RANBP2: variants seen among roughly 807,000 people sequenced by gnomAD.
The protein encoded by RANBP2 is E3 SUMO-protein ligase RanBP2.
Under a neutral mutation model 303.6 loss-of-function variants are expected in RANBP2, and 57 were observed. That is an observed-to-expected ratio of 0.19 (90% CI 0.15 to 0.23). The LOEUF (loss-of-function observed/expected upper bound fraction) is 0.23. RANBP2 is among the 10% of genes least tolerant of loss of function. RANBP2 has a pLI of 1.00. For missense variants in RANBP2, 3,138 were observed against 3,780.8 expected (o/e 0.83, Z 4.46); for synonymous variants, 1,167 against 1,301.5 (o/e 0.90, Z 2.23).
At chr2:109,101,123 G>A in the RANBP2 span, among the ~76,000 whole-genome samples, 3 of 152,322 alleles carry the variant, frequency 2.0e-5, no homozygotes, top group South Asian at 6.2e-4. Flanking sequence ...AGTGGCCCGA[G>A]TGGGAGGCTG....
chr2:109,471,282 A>T, the RANBP2 span, among the ~76,000 whole-genome samples: 4 of 151,280 alleles, frequency 2.6e-5, no homozygotes, highest in African/African-American at 9.7e-5. Context: ...GGTTTGATTG[A>T]CTCTCAGTTT....
the RANBP2 span, among the ~76,000 whole-genome samples, chr2:109,172,826 C>T: frequency 7.2e-5 from 11 of 152,206 alleles, no homozygotes; most frequent in Admixed American, 2.6e-4. Flanking sequence ...CACGAAGCCT[C>T]GACTGGTGAG....
At chr2:109,473,817 T>TA in the RANBP2 span, among the ~76,000 whole-genome samples, 2 of 148,584 alleles carry the variant, frequency 1.3e-5, no homozygotes, top group African/African-American at 4.9e-5. Context: ...GCCAGCACCT[T>TA]AGCCGCAGGC....
chr2:109,348,212 T>G, the RANBP2 span, among the ~76,000 whole-genome samples: 1 of 152,172 alleles, frequency 6.6e-6, no homozygotes, highest in Non-Finnish European at 1.5e-5. Flanking sequence ...TGAGATAATA[T>G]AAGCCTCCAT....
At chr2:108,736,005 A>G (rs1695552484) in intron 5 of RANBP2, 99 bp from the exon 6 acceptor site, 10 of 1,608,452 alleles carry the variant, frequency 6.2e-6, no homozygotes, top group Non-Finnish European at 7.6e-6. Context: ...TAGTTTCACA[A>G]ATGTGGTTGG....
At chr2:109,264,867 A>G in the RANBP2 span, among the ~76,000 whole-genome samples, 1 of 152,218 alleles carries the variant, frequency 6.6e-6, no homozygotes, top group South Asian at 2.1e-4. Flanking sequence ...TTGGACAGAC[A>G]TCTTAAACAT....
chr2:108,906,578 G>T, the RANBP2 span, among the ~76,000 whole-genome samples: 12 of 152,204 alleles, frequency 7.9e-5, no homozygotes, highest in Admixed American at 3.3e-4. Flanking sequence ...TCTACCACGG[G>T]TGCGTCTTAG....
the RANBP2 span, chr2:108,883,609 G>C: frequency 6.6e-6 from 1 of 152,240 alleles, no homozygotes; most frequent in Admixed American, 6.5e-5. Context: ...TCACTGGCTG[G>C]GCTGGAATCT....
chr2:108,931,152 CA>C, the RANBP2 span: 1 of 809,654 alleles, frequency 1.2e-6, no homozygotes, highest in Non-Finnish European at 2.1e-6. Flanking sequence ...GGAAACTATA[CA>C]TCCTAAAAGA....
the RANBP2 span, among the ~76,000 whole-genome samples, chr2:108,799,843 T>G: frequency 6.6e-6 from 1 of 152,176 alleles, no homozygotes; most frequent in African/African-American, 2.4e-5. Context: ...AGATAGTTTC[T>G]TGATCCATCT....
the RANBP2 span, chr2:108,873,658 T>TGG: frequency 8.8e-7 from 1 of 1,141,882 alleles, no homozygotes; most frequent in Non-Finnish European, 1.2e-6. Context: ...AACCAGGGGT[T>TGG]TTAATCTTTT....
the RANBP2 span, among the ~76,000 whole-genome samples, chr2:108,862,174 G>A: frequency 6.7e-6 from 1 of 149,020 alleles, no homozygotes; most frequent in East Asian, 2.0e-4. Flanking sequence ...TTCTGTGGTT[G>A]TGGGAATGAC....
chr2:109,016,070 T>C, the RANBP2 span, among the ~76,000 whole-genome samples: 2 of 146,004 alleles, frequency 1.4e-5, no homozygotes, highest in Non-Finnish European at 3.1e-5. Flanking sequence ...GGTGGTGTTA[T>C]TGGTTTTTTT....
At chr2:109,335,446 C>T in the RANBP2 span, among the ~76,000 whole-genome samples, 1 of 152,338 alleles carries the variant, frequency 6.6e-6, no homozygotes, top group South Asian at 2.1e-4. Context: ...CACCTCCTCT[C>T]TGCCCCTCAG....
intron 22 of RANBP2, 112 bp from the exon 23 acceptor site, chr2:108,772,756 G>A: frequency 7.9e-7 from 1 of 1,259,518 alleles, no homozygotes; most frequent in Non-Finnish European, 1.1e-6. Context: ...TTTTTCATTA[G>A]TATGTACAGG....
chr2:108,720,250 A>G (rs1276953152), intron 1 of RANBP2: 1 of 905,546 alleles, frequency 1.1e-6, no homozygotes, highest in East Asian at 1.1e-4. Context: ...TTTGAGTATG[A>G]GGTGTTTGTC....
At chr2:109,247,520 T>G in the RANBP2 span, among the ~76,000 whole-genome samples, 1 of 152,144 alleles carries the variant, frequency 6.6e-6, no homozygotes, top group Non-Finnish European at 1.5e-5. Context: ...CAGGCATGGG[T>G]GGTCACGTGT....
the RANBP2 span, among the ~76,000 whole-genome samples, chr2:109,268,638 A>G: frequency 6.6e-6 from 1 of 152,228 alleles, no homozygotes; most frequent in Admixed American, 6.5e-5. Flanking sequence ...CAGAAGCGAT[A>G]CACATTCAGT....
At chr2:109,296,397 T>G in the RANBP2 span, among the ~76,000 whole-genome samples, 33 of 151,792 alleles carry the variant, frequency 2.2e-4, no homozygotes, top group East Asian at 3.5e-3. Flanking sequence ...CCAGTTTTTT[T>G]TTTGTGTGTG....
Sources: allele counts gnomAD v4.1 joint callset (sites outside exome capture counted in the v4.1 genomes callset), GRCh38; gene constraint gnomAD v4.1.1; transcripts MANE v1.5; gene names NCBI Gene and HGNC (gene_info 2026-07-23, HGNC 2026-07-21).